Variants in DOCK1 observed in about 807,000 individuals in gnomAD.
DOCK1 encodes the protein dedicator of cytokinesis protein 1.
A neutral mutation model predicts 262.7 loss-of-function variants in DOCK1; 138 were observed. That is an observed-to-expected ratio of 0.53 (90% CI 0.46 to 0.61). DOCK1 has a LOEUF of 0.61. Among genes scored for constraint, DOCK1 ranks in the 20% least tolerant of loss-of-function variants. The pLI is 0.00. For missense variants in DOCK1, 1,908 were observed against 2,370.7 expected (o/e 0.80, Z 4.05); for synonymous variants, 866 against 867.4 (o/e 1.00, Z 0.03).
intron 23 of DOCK1, among the ~76,000 whole-genome samples, chr10:127,093,245 T>TCTTTCTTTCTTTCTTTCTTTCTTTCTTTC (rs1402479133): frequency 7.6e-6 from 1 of 132,424 alleles, no homozygotes; most frequent in African/African-American, 3.0e-5. Flanking sequence ...CTTTCTTCTT[T>TCTTTCTTTCTTTCTTTCTTTCTTTCTTTC]TTTTTTTTTT....
chr10:127,228,461 T>G (rs538417810), intron 27 of DOCK1, among the ~76,000 whole-genome samples: 16 of 152,174 alleles, frequency 1.1e-4, no homozygotes. Flanking sequence ...GTTTGCAAAA[T>G]GAGGATTTCT....
chr10:127,069,055 T>C (rs1264818146), intron 23 of DOCK1, among the ~76,000 whole-genome samples: 1 of 152,242 alleles, frequency 6.6e-6, no homozygotes, highest in East Asian at 1.9e-4. Context: ...CATCCAGATT[T>C]TCAAATGCTC....
At chr10:127,174,440 C>T (rs1214654954) in intron 27 of DOCK1, among the ~76,000 whole-genome samples, 1 of 152,192 alleles carries the variant, frequency 6.6e-6, no homozygotes, top group African/African-American at 2.4e-5. Flanking sequence ...AGAACTAAAA[C>T]CCCACCTTTA....
chr10:126,919,516 T>C (rs1178979672), intron 1 of DOCK1, among the ~76,000 whole-genome samples: 1 of 152,134 alleles, frequency 6.6e-6, no homozygotes, highest in East Asian at 1.9e-4. Flanking sequence ...GGTTGTTGCT[T>C]TGAGAATCAG....
At chr10:127,119,336 G>A (rs1367368956) in intron 25 of DOCK1, among the ~76,000 whole-genome samples, 1 of 152,156 alleles carries the variant, frequency 6.6e-6, no homozygotes, top group African/African-American at 2.4e-5. Context: ...GTGAGCCACC[G>A]CGCCCGGCCG....
chr10:127,153,135 C>T (rs1264012408), intron 27 of DOCK1, among the ~76,000 whole-genome samples: 1 of 152,166 alleles, frequency 6.6e-6, no homozygotes, highest in Non-Finnish European at 1.5e-5. Flanking sequence ...AGAACTTACT[C>T]ATAACATTTC....
intron 23 of DOCK1, among the ~76,000 whole-genome samples, chr10:127,096,008 A>T (rs1224134671): frequency 1.3e-5 from 2 of 152,220 alleles, no homozygotes; most frequent in African/African-American, 4.8e-5. Context: ...GGGGAATGCT[A>T]TCTGAAAAAC....
intron 23 of DOCK1, among the ~76,000 whole-genome samples, chr10:127,063,365 A>G (rs2045659473): frequency 1.3e-5 from 2 of 152,208 alleles, no homozygotes; most frequent in African/African-American, 4.8e-5. Flanking sequence ...GCTGTGACCA[A>G]GGAAACCAGC....
rs68190118 is a variant in DOCK1 at position 127,266,480 on chromosome 10, A to AACACACACACACAC, written c.3044+9065_3044+9078dup. ...CAAAACACAACTAGCTAAGTACCAA[A>AACACACACACACAC]ACACACACACACACACACACACACA... On this transcript the variant is annotated intron_variant, in intron 29 of 51. Coordinates refer to ENST00000623213, the MANE Select transcript of DOCK1 (RefSeq NM_001290223.2). Among the ~76,000 whole-genome samples, 135 of 149,284 alleles carry AACACACACACACAC rather than the reference A, an allele frequency of 9.0e-4. 2 individuals are homozygous for AACACACACACACAC. Among genetic ancestry groups the AACACACACACACAC allele is most frequent in the Middle Eastern group, 3.4e-3 (1 of 292 alleles).
intron 31 of DOCK1, among the ~76,000 whole-genome samples, chr10:127,348,059 G>A (rs1334798309): frequency 2.6e-5 from 4 of 151,496 alleles, no homozygotes; most frequent in Non-Finnish European, 4.4e-5. Context: ...ATTCCCCAAA[G>A]TGCATGGGAG....
chr10:127,244,573 T>C (rs1218792246), intron 27 of DOCK1, among the ~76,000 whole-genome samples: 1 of 152,208 alleles, frequency 6.6e-6, no homozygotes, highest in Non-Finnish European at 1.5e-5. Flanking sequence ...AATACTTCTT[T>C]GCTATTTTGG....
chr10:127,181,130 G>A (rs2055692418), intron 27 of DOCK1, among the ~76,000 whole-genome samples: 1 of 152,154 alleles, frequency 6.6e-6, no homozygotes, highest in African/African-American at 2.4e-5. Context: ...TTTTGAGGGA[G>A]CCCTGATAAA....
chr10:126,936,795 C>CA lies in DOCK1; in HGVS notation c.46+31233dup, dbSNP rs1229022180. Among the ~76,000 whole-genome samples the CA allele has an allele frequency of 8.3e-3, 1,264 of 152,284 alleles. 11 individuals are homozygous for CA. Among genetic ancestry groups the CA allele is most frequent in the African/African-American group, 0.028 (1,174 of 41,552 alleles). On this transcript the variant is annotated intron_variant, in intron 1 of 51. Transcript: ENST00000623213. ...TTTTATAAAATTGTGGCAAAACATA[C>CA]ATACCATGAAATTTACTGTCTTAAC...
intron 32 of DOCK1, among the ~76,000 whole-genome samples, chr10:127,355,141 C>T (rs979740828): frequency 6.9e-6 from 1 of 145,348 alleles, no homozygotes; most frequent in Non-Finnish European, 1.5e-5. Flanking sequence ...CTCCTCAAAA[C>T]CAGATCTACC....
intron 27 of DOCK1, among the ~76,000 whole-genome samples, chr10:127,158,410 TTTGGATCACAAATTATAAATTTTCTGTC>T (rs1281283056): frequency 1.3e-5 from 2 of 152,198 alleles, no homozygotes; most frequent in African/African-American, 4.8e-5. Context: ...TGGAAGAACA[TTTGGATCACAAATTATAAATTTTCTGTC>T]TTGCAGATTA....
intron 1 of DOCK1, among the ~76,000 whole-genome samples, chr10:126,906,121 G>A (rs1341237802): frequency 2.6e-5 from 4 of 152,210 alleles, no homozygotes; most frequent in Non-Finnish European, 4.4e-5. Flanking sequence ...CGGCGGTCTC[G>A]CTGGGGACCG....
chr10:127,317,165 G>A (rs59758619), intron 29 of DOCK1, among the ~76,000 whole-genome samples: 8,607 of 152,136 alleles, frequency 0.057, 666 homozygotes, highest in African/African-American at 0.18. Context: ...CATTATATGC[G>A]TATTTTTGTA....
In DOCK1 at chr10:127,037,965, G is replaced by A. The variant is rs577225594; in HGVS notation, c.2010+149G>A. On this transcript the variant is annotated intron_variant, in intron 19 of 51. Coordinates refer to ENST00000623213, the MANE Select transcript of DOCK1 (RefSeq NM_001290223.2). ...TAGTGACATAGGGATTGGGTGCGGT[G>A]GCTTACGCCTGTAATCTCAGCACTT... 4.1e-5 allele frequency: 28 copies of A among 683,422 alleles called. No individual in the cohort carries two copies. The Admixed American group carries it at 8.2e-4, about 20-fold the overall frequency. The allele number at this position is 683,422 out of a possible 1,614,324, so 42.3% of individuals were successfully genotyped here.
intron 29 of DOCK1, among the ~76,000 whole-genome samples, chr10:127,297,567 T>C (rs1251059567): frequency 2.0e-5 from 3 of 152,182 alleles, no homozygotes; most frequent in Non-Finnish European, 4.4e-5. Flanking sequence ...TGCTGTGATG[T>C]GTTTTCATCA....
Sources: gnomAD v4.1 joint callset for allele counts (sites outside exome capture counted in the v4.1 genomes callset) on GRCh38, gnomAD v4.1.1 for gene constraint, MANE v1.5 for transcripts, NCBI Gene and HGNC (gene_info 2026-07-23, HGNC 2026-07-21) for gene names.